THSD7B: variants seen among roughly 807,000 people sequenced by gnomAD.
THSD7B encodes the protein thrombospondin type-1 domain-containing protein 7B.
In THSD7B, 138 loss-of-function variants were observed where a neutral mutation model predicts 213.6. The observed-to-expected ratio is 0.65, with a 90% CI of 0.56 to 0.74. The LOEUF (loss-of-function observed/expected upper bound fraction) is 0.74. Among genes scored for constraint, THSD7B ranks in the 30% least tolerant of loss-of-function variants. The pLI, the probability that THSD7B is intolerant of heterozygous loss-of-function variation, is 0.00. For missense variants in THSD7B, 1,931 were observed against 1,991.5 expected (o/e 0.97, Z 0.58); for synonymous variants, 742 against 687.0 (o/e 1.08, Z -1.25).
At chr2:137,495,802 GT>G (rs1373481703) in intron 15 of THSD7B, among the ~76,000 whole-genome samples, 1 of 152,094 alleles carries the variant, frequency 6.6e-6, no homozygotes, top group Non-Finnish European at 1.5e-5. Flanking sequence ...TTTGATATTT[GT>G]AGTGGGACAA....
At chr2:137,659,447 C>T (rs1683300989) in intron 24 of THSD7B, among the ~76,000 whole-genome samples, 1 of 152,176 alleles carries the variant, frequency 6.6e-6, no homozygotes, top group Non-Finnish European at 1.5e-5. Flanking sequence ...AGTATAAAAA[C>T]TCTACTGCAA....
At position 137,388,852 on chromosome 2, in the gene THSD7B, A is replaced by T. The variant is rs144229788; in HGVS notation, c.2501-16761A>T. 9.0e-3 allele frequency among the ~76,000 whole-genome samples: 1,365 copies of T among 152,170 alleles called. 17 individuals are homozygous for T. The highest frequency in any genetic ancestry group is 0.031 in the African/African-American group (1,296 of 41,518). On this transcript the variant is annotated intron_variant, in intron 12 of 27. Transcript: ENST00000409968. ...TTGCTGCAAATGAGAAGATTTAATT[A>T]TATTTTTATGAGTGATCAGTATTCT...
intron 3 of THSD7B, among the ~76,000 whole-genome samples, chr2:137,076,711 C>G (rs1687632599): frequency 6.6e-6 from 1 of 152,186 alleles, no homozygotes; most frequent in Non-Finnish European, 1.5e-5. Context: ...CGGAGCTGTT[C>G]CTATTCGGCC....
intron 1 of THSD7B, among the ~76,000 whole-genome samples, chr2:136,873,832 G>A (rs1203164335): frequency 6.6e-6 from 1 of 152,096 alleles, no homozygotes; most frequent in East Asian, 1.9e-4. Context: ...TCCTCATTTT[G>A]TGGATGAGGA....
intron 14 of THSD7B, among the ~76,000 whole-genome samples, chr2:137,412,607 AAAACAAAAAAAAAC>A (rs1245842233): frequency 3.4e-5 from 5 of 146,796 alleles, no homozygotes; most frequent in Non-Finnish European, 7.6e-5. Flanking sequence ...CAAAAAAAAA[AAAACAAAAAAAAAC>A]AAAAAACAGT....
Position 137,620,710 on chromosome 2 carries a change from G to A in THSD7B, c.3783G>A (p.Gln1261=), listed in dbSNP as rs267598899. Residue 1261 remains glutamine (Q), a synonymous_variant, in exon 20 of 28, where the codon CAG becomes CAA. Transcript: ENST00000409968. ...GGACGGCTTGGACAGAGTGTTCACA[G>A]ACCTGTGGCCATGGAGGTATTGGTT... ...SGWTAWTECS[Q]TCGHGGRMSR... is the part of the protein sequence containing the mutation. The A allele has an allele frequency of 4.5e-5, 73 of 1,613,526 alleles. No homozygotes were observed. The highest frequency in any genetic ancestry group is 5.6e-5 in the Non-Finnish European group (66 of 1,179,618).
At chr2:136,973,641 T>C (rs1263180450) in intron 2 of THSD7B, among the ~76,000 whole-genome samples, 1 of 152,206 alleles carries the variant, frequency 6.6e-6, no homozygotes, top group African/African-American at 2.4e-5. Flanking sequence ...GACAAATACA[T>C]TGTACTGTTA....
chr2:137,029,394 A>T (rs1336247935), intron 2 of THSD7B, among the ~76,000 whole-genome samples: 1 of 152,226 alleles, frequency 6.6e-6, no homozygotes, highest in Non-Finnish European at 1.5e-5. Context: ...TCTAATGGGT[A>T]AAAAATATCC....
intron 16 of THSD7B, among the ~76,000 whole-genome samples, chr2:137,570,343 C>T (rs1681328371): frequency 6.6e-6 from 1 of 151,824 alleles, no homozygotes; most frequent in Non-Finnish European, 1.5e-5. Context: ...GAGTCTCGCC[C>T]TGTCGTCCAG....
At chr2:137,357,827 A>C (rs13404630) in intron 12 of THSD7B, among the ~76,000 whole-genome samples, 6,000 of 152,238 alleles carry the variant, frequency 0.039, 400 homozygotes, top group African/African-American at 0.14. Flanking sequence ...GATTGTAACC[A>C]TGAGGAAGAG....
chr2:137,581,066 TAAAC>T (rs1681563335), intron 17 of THSD7B, among the ~76,000 whole-genome samples: 1 of 152,188 alleles, frequency 6.6e-6, no homozygotes, highest in African/African-American at 2.4e-5. Context: ...GAGCTTTTGT[TAAAC>T]AAATACTCAT....
At chr2:137,300,657 C>A (rs6731412) in intron 12 of THSD7B, among the ~76,000 whole-genome samples, 9,361 of 152,086 alleles carry the variant, frequency 0.062, 540 homozygotes, top group African/African-American at 0.14. Context: ...ATGATTTATA[C>A]GAATTCATGA....
intron 1 of THSD7B, among the ~76,000 whole-genome samples, chr2:136,790,393 C>A (rs576616121): frequency 1.3e-4 from 20 of 152,122 alleles, no homozygotes; most frequent in African/African-American, 4.8e-4. Context: ...ACCTAGATTT[C>A]AATTCTATAA....
intron 5 of THSD7B, among the ~76,000 whole-genome samples, chr2:137,133,088 G>C (rs778447696): frequency 1.1e-4 from 16 of 151,876 alleles, no homozygotes; most frequent in Non-Finnish European, 2.1e-4. Flanking sequence ...TGTGGTTACT[G>C]TCTATTTAAA....
chr2:137,211,669 A>C (rs1681115817), intron 7 of THSD7B, among the ~76,000 whole-genome samples: 1 of 152,034 alleles, frequency 6.6e-6, no homozygotes, highest in South Asian at 2.1e-4. Flanking sequence ...TCAATATAAG[A>C]GTGCTAATAC....
At chr2:137,383,965 A>G (rs1685834877) in intron 12 of THSD7B, among the ~76,000 whole-genome samples, 1 of 152,222 alleles carries the variant, frequency 6.6e-6, no homozygotes, top group South Asian at 2.1e-4. Flanking sequence ...AGCAACAGGA[A>G]ACTAATATAC....
At chr2:136,935,294 G>A (rs1291465653) in intron 2 of THSD7B, among the ~76,000 whole-genome samples, 1 of 152,070 alleles carries the variant, frequency 6.6e-6, no homozygotes, top group Non-Finnish European at 1.5e-5. Context: ...TCCCAGTGGT[G>A]GTGAAAATTA....
chr2:136,939,604 T>A (rs1684787159), intron 2 of THSD7B, among the ~76,000 whole-genome samples: 1 of 152,206 alleles, frequency 6.6e-6, no homozygotes, highest in African/African-American at 2.4e-5. Context: ...AGCTCTTTCC[T>A]GTCTCTTCCA....
rs1263177734 is a variant in THSD7B, at chr2:137,276,035, A to G, written c.2500+9A>G. Reference sequence around the variant, plus strand: ...GGGGTTACAAACAAGAGGTATGATGATTTTTACATAGTTTTTTTTTATTAA... The same window carrying G: ...GGGGTTACAAACAAGAGGTATGATGGTTTTTACATAGTTTTTTTTTATTAA... On this transcript the variant is annotated intron_variant, in intron 12 of 27. Transcript: ENST00000409968. 1.3e-6 allele frequency: 2 copies of G among 1,596,518 alleles called. No homozygotes were observed.
Sources: gnomAD v4.1 joint callset for allele counts (sites outside exome capture counted in the v4.1 genomes callset) on GRCh38, gnomAD v4.1.1 for gene constraint, MANE v1.5 for transcripts, NCBI Gene and HGNC (gene_info 2026-07-23, HGNC 2026-07-21) for gene names.